Variants in CEP76 observed in about 807,000 individuals in gnomAD.
The protein encoded by CEP76 is centrosomal protein 76.
In CEP76, 55 loss-of-function variants were observed where a neutral mutation model predicts 83.3. The observed-to-expected ratio is 0.66, with a 90% CI of 0.53 to 0.83. The LOEUF (loss-of-function observed/expected upper bound fraction) is 0.83, where lower values mean the gene tolerates loss of function less well. Ranked by LOEUF, CEP76 falls within the 40% of genes least tolerant of loss-of-function variation. The pLI, the probability that CEP76 is intolerant of heterozygous loss-of-function variation, is 0.00. For synonymous variants in CEP76, 270 were observed against 274.5 expected, an observed-to-expected ratio of 0.98 and a Z score of 0.16; for missense variants, 694 against 799.5, an observed-to-expected ratio of 0.87 and a Z score of 1.59.
intron 6 of CEP76, among the ~76,000 whole-genome samples, chr18:12,693,297 G>A (rs2039832609): frequency 6.6e-6 from 1 of 152,104 alleles, no homozygotes; most frequent in East Asian, 1.9e-4. Flanking sequence ...AATGGTCCAT[G>A]TCTGCAATCC....
At chr18:12,694,957 C>T (rs372756234) in intron 6 of CEP76, among the ~76,000 whole-genome samples, 2 of 151,872 alleles carry the variant, frequency 1.3e-5, no homozygotes, top group Non-Finnish European at 1.5e-5. Context: ...CCTTGTGATC[C>T]GCCCGCCTCG....
intron 4 of CEP76, 21 bp downstream of exon 4, chr18:12,698,958 C>T: frequency 1.3e-6 from 2 of 1,486,770 alleles, no homozygotes; most frequent in Non-Finnish European, 1.9e-6. Flanking sequence ...AATTAAATGA[C>T]AATTTATTAC....
At chr18:12,694,867 C>T (rs1218575751) in intron 6 of CEP76, among the ~76,000 whole-genome samples, 2 of 151,942 alleles carry the variant, frequency 1.3e-5, no homozygotes, top group Admixed American at 6.6e-5. Flanking sequence ...CCTGCCACCA[C>T]GCCCGGCTAT....
At chr18:12,666,426 A>C (rs1397835317) in intron 12 of CEP76, among the ~76,000 whole-genome samples, 1 of 149,466 alleles carries the variant, frequency 6.7e-6, no homozygotes, top group Non-Finnish European at 1.5e-5. Context: ...AGGGTTAACA[A>C]AATTTTATGG....
In CEP76 at chr18:12,702,522, G is replaced by C; in HGVS notation, c.27C>G (p.Ser9=). 1 of 1,608,876 alleles carries C rather than the reference G, an allele frequency of 6.2e-7. No homozygotes were observed. The highest frequency in any genetic ancestry group is 8.5e-7 in the Non-Finnish European group (1 of 1,178,608). Residue 9 remains serine, a synonymous_variant, in exon 1 of 12, where the codon TCC becomes TCG. Transcript: ENST00000262127. ...GCTGGTGGATGAGCTGCTTCAGCTC[G>C]GAGGCTTTCTCCGGAGGCAGCGACA... The part of the protein sequence containing the change: MSLPPEKA[S]ELKQLIHQQL...
intron 3 of CEP76, among the ~76,000 whole-genome samples, 185 bp downstream of exon 3, chr18:12,699,645 A>T (rs2145110611): frequency 6.6e-6 from 1 of 152,268 alleles, no homozygotes; most frequent in Middle Eastern, 3.4e-3. Flanking sequence ...TTTTGCTTCT[A>T]CCGTGCTATA....
chr18:12,697,801 A>G (rs887409815), intron 4 of CEP76, among the ~76,000 whole-genome samples: 3 of 151,388 alleles, frequency 2.0e-5, no homozygotes, highest in African/African-American at 7.2e-5. Context: ...TATAATTGAC[A>G]TACAACTGAA....
intron 12 of CEP76, among the ~76,000 whole-genome samples, chr18:12,664,340 G>A (rs1444994072): frequency 1.3e-5 from 2 of 151,836 alleles, no homozygotes; most frequent in African/African-American, 4.8e-5. Flanking sequence ...CCAGGAGATC[G>A]AGACCATCCT....
At chr18:12,699,701 C>G (rs979180656) in intron 3 of CEP76, 129 bp downstream of exon 3, 1 of 580,254 alleles carries the variant, frequency 1.7e-6, no homozygotes, top group African/African-American at 1.9e-5. Context: ...CTGTTTTAGC[C>G]AACCATAAAA....
In CEP76 at chr18:12,701,063, T is replaced by C; in HGVS notation, c.114A>G (p.Glu38=). The part of the protein sequence containing the change: ...IREILAETIR[E]ELAPDQQHLS... ...AATGCTGTTGATCAGGTGCCAATTC[T>C]TCCCGTATAGTCTCAGCAAGGATTT... The change falls in exon 2 of 12, where the codon GAA becomes GAG. Residue 38 remains glutamate (E), a synonymous_variant. Coordinates refer to ENST00000262127, the MANE Select transcript of CEP76 (RefSeq NM_024899.4). 1 of 1,613,834 alleles carries C rather than the reference T, an allele frequency of 6.2e-7. No individual in the cohort carries two copies. The highest frequency in any genetic ancestry group is 2.2e-5 in the East Asian group (1 of 44,862).
intron 8 of CEP76, among the ~76,000 whole-genome samples, chr18:12,681,749 A>G (rs1383367332): frequency 6.6e-6 from 1 of 152,174 alleles, no homozygotes; most frequent in Non-Finnish European, 1.5e-5. Flanking sequence ...ATTACTGGGG[A>G]GGTTATATAT....
In CEP76 at chr18:12,673,240, A is replaced by G; in HGVS notation, c.*125T>C. 7.0e-7 allele frequency: 1 copy of G among 1,433,996 alleles called. No homozygotes were observed. The highest frequency in any genetic ancestry group is 9.1e-7 in the Non-Finnish European group (1 of 1,096,606). 88.8% of individuals were successfully genotyped at this position (1,433,996 alleles called of 1,614,324 possible). On this transcript the variant is annotated 3_prime_UTR_variant, in exon 12 of 12. Transcript: ENST00000262127. The stretch of plus-strand genomic sequence containing the variant: ...AAACATTACCAGTCAAGTATATACA[A>G]AATTGAAGTATGCCATTCAAGCCAG...
chr18:12,698,884 A>G, intron 4 of CEP76, 95 bp downstream of exon 4: 1 of 867,524 alleles, frequency 1.2e-6, no homozygotes, highest in Non-Finnish European at 1.8e-6. Context: ...CTCCATTATA[A>G]ATCTCTCCTT....
At chr18:12,691,917 C>G (rs1044339646) in intron 6 of CEP76, among the ~76,000 whole-genome samples, 2 of 151,968 alleles carry the variant, frequency 1.3e-5, no homozygotes, top group Admixed American at 1.3e-4. Context: ...GACAGGGTTT[C>G]ACCACATTGG....
chr18:12,686,217 A>T, intron 8 of CEP76, 45 bp downstream of exon 8: 1 of 1,460,256 alleles, frequency 6.8e-7, no homozygotes, highest in Non-Finnish European at 9.4e-7. Context: ...AATTCAGAGT[A>T]ACTATGATAT....
chr18:12,700,585 CAA>C (rs1399674881), intron 2 of CEP76, among the ~76,000 whole-genome samples: 1 of 152,052 alleles, frequency 6.6e-6, no homozygotes, highest in Non-Finnish European at 1.5e-5. Context: ...AATATAATCC[CAA>C]AAGAGTGCTT....
rs1285440057 is a variant in CEP76, at chr18:12,699,196, A to G, written c.303T>C (p.Ile101=). ...DRQSTLKKTN[I]DPTRRYLYLQ... ...GGTAAAGATACCTCCGTGTTGGATCAATATTAGCTGTAAAGTGTAGCAATA... is the reference window on the plus strand; with the variant it reads ...GGTAAAGATACCTCCGTGTTGGATCGATATTAGCTGTAAAGTGTAGCAATA... The change falls in exon 4 of 12, where the codon ATT becomes ATC. Residue 101 remains isoleucine, a synonymous_variant. Coordinates refer to ENST00000262127, the MANE Select transcript of CEP76 (RefSeq NM_024899.4). The G allele has an allele frequency of 6.2e-7, 1 of 1,609,810 alleles. No homozygotes were observed. Among genetic ancestry groups the G allele is most frequent in the Non-Finnish European group, 8.5e-7 (1 of 1,176,352 alleles).
chr18:12,668,597 CAAAAAAAAAAAAAAAAA>C (rs752216074), downstream of CEP76, among the ~76,000 whole-genome samples: 201 of 72,830 alleles, frequency 2.8e-3, 5 homozygotes, highest in African/African-American at 8.8e-3. Context: ...GATTCCATCT[CAAAAAAAAAAAAAAAAA>C]AAAAAAAAAA....
chr18:12,680,117 T>C (rs2039293319), intron 9 of CEP76, among the ~76,000 whole-genome samples: 2 of 151,904 alleles, frequency 1.3e-5, no homozygotes, highest in African/African-American at 4.8e-5. Flanking sequence ...TAAACATAAT[T>C]TACTGTTTAC....
Sources: allele counts gnomAD v4.1 joint callset (sites outside exome capture counted in the v4.1 genomes callset), GRCh38; gene constraint gnomAD v4.1.1; transcripts MANE v1.5; gene names NCBI Gene and HGNC (gene_info 2026-07-23, HGNC 2026-07-21).